MID2: variants seen among roughly 807,000 people sequenced by gnomAD.
MID2 encodes probable E3 ubiquitin-protein ligase MID2.
A neutral mutation model predicts 46.1 loss-of-function variants in MID2; 13 were observed. The ratio of observed to expected loss-of-function variants is 0.28; its 90% CI spans 0.18 to 0.45. The LOEUF is 0.45. MID2 is among the 20% of genes least tolerant of loss of function. The probability of loss-of-function intolerance (pLI) is 1.00; values close to 1 mark genes in which losing one functional copy is unlikely to be tolerated. For synonymous variants in MID2, 199 were observed against 212.3 expected, an observed-to-expected ratio of 0.94 and a Z score of 0.55; for missense variants, 431 against 575.4, an observed-to-expected ratio of 0.75 and a Z score of 2.57.
At chrX:107,894,725 G>A (rs1356650218) in intron 3 of MID2, 2 of 110,936 alleles carry the variant, frequency 1.8e-5, no homozygotes, top group Non-Finnish European at 3.8e-5. Flanking sequence ...TAAACTTAAG[G>A]AGCTTACATT....
At chrX:107,826,566 G>A in intron 1 of MID2, 136 bp downstream of exon 1, 2 of 783,290 alleles carry the variant, frequency 2.6e-6, no homozygotes, top group Non-Finnish European at 3.4e-6. Flanking sequence ...CGGCGAGGCA[G>A]GGTGATGGGG....
chrX:107,876,987 G>A (rs1932215887), intron 3 of MID2, among the ~76,000 whole-genome samples: 1 of 111,290 alleles, frequency 9.0e-6, no homozygotes, highest in Admixed American at 9.5e-5. Context: ...GCTGGATGGG[G>A]AGGAAGGGGT....
chrX:107,915,043 A>T (rs1932946112), intron 5 of MID2, among the ~76,000 whole-genome samples: 1 of 112,199 alleles, frequency 8.9e-6, no homozygotes, highest in Non-Finnish European at 1.9e-5. Context: ...TATACTAAGC[A>T]CCCAATAAAT....
Position 107,862,226 on chromosome X carries a change from A to T in MID2, c.816+7522A>T, listed in dbSNP as rs1931874150. 1.8e-5 allele frequency among the ~76,000 whole-genome samples: 2 copies of T among 111,582 alleles called. 1 individual carries two copies. Among genetic ancestry groups the T allele is most frequent in the Non-Finnish European group, 3.8e-5 (2 of 53,164 alleles). On this transcript the variant is annotated intron_variant, in intron 3 of 9. Coordinates refer to ENST00000262843, the MANE Select transcript of MID2 (RefSeq NM_012216.4). ...AATAGCAGGAACAGTTGCTAGTAGC[A>T]GTAGTACTAGTAGTAGTAATTTTGG...
At chrX:107,878,280 A>T (rs1417497433) in intron 3 of MID2, among the ~76,000 whole-genome samples, 1 of 107,316 alleles carries the variant, frequency 9.3e-6, no homozygotes, top group Admixed American at 9.9e-5. Context: ...TGGAAGTGGC[A>T]CATGCATGCT....
chrX:107,867,302 C>A (rs1209276460), intron 3 of MID2, among the ~76,000 whole-genome samples: 1 of 107,831 alleles, frequency 9.3e-6, no homozygotes, highest in African/African-American at 3.5e-5. Flanking sequence ...AGGCATGTGC[C>A]GCCACGCCCA....
chrX:107,914,963 TCTA>T (rs1167279469), intron 5 of MID2, among the ~76,000 whole-genome samples: 1 of 112,413 alleles, frequency 8.9e-6, no homozygotes, highest in African/African-American at 3.2e-5. Context: ...GGAAATAACA[TCTA>T]CTACATAGTG....
intron 2 of MID2, among the ~76,000 whole-genome samples, chrX:107,842,718 T>A: frequency 8.9e-6 from 1 of 112,533 alleles, no homozygotes; most frequent in South Asian, 3.7e-4. Context: ...TCAATTTTTT[T>A]ATTTCACTCA....
At chrX:107,850,192 A>C (rs1190025226) in intron 2 of MID2, among the ~76,000 whole-genome samples, 1 of 64,445 alleles carries the variant, frequency 1.6e-5, no homozygotes, top group Non-Finnish European at 2.4e-5. Context: ...ACACACAGAC[A>C]CACACACACA....
chrX:107,887,749 G>A (rs960002238), intron 3 of MID2, among the ~76,000 whole-genome samples: 9 of 111,672 alleles, frequency 8.1e-5, no homozygotes, highest in South Asian at 3.7e-4. Flanking sequence ...GAATCCATCC[G>A]ATCCTGGACT....
intron 7 of MID2, among the ~76,000 whole-genome samples, chrX:107,920,981 G>A (rs745337392): frequency 6.4e-4 from 71 of 111,691 alleles, no homozygotes; most frequent in South Asian, 1.9e-3. Flanking sequence ...CCAACTTGAA[G>A]AAATTTAACG....
chrX:107,848,954 A>C (rs1295797432), intron 2 of MID2, among the ~76,000 whole-genome samples: 1 of 112,085 alleles, frequency 8.9e-6, no homozygotes, highest in Non-Finnish European at 1.9e-5. Context: ...CATGTCAAAG[A>C]ATAGTAATGG....
chrX:107,867,351 C>CG (rs1181075518), intron 3 of MID2, among the ~76,000 whole-genome samples: 3 of 104,659 alleles, frequency 2.9e-5, no homozygotes, highest in Non-Finnish European at 5.9e-5. Context: ...TTAGTAGAGA[C>CG]GGGGTTTCAC....
chrX:107,897,521 G>T (rs766187915), intron 3 of MID2, among the ~76,000 whole-genome samples: 1 of 111,876 alleles, frequency 8.9e-6, no homozygotes, highest in South Asian at 3.7e-4. Context: ...TCATACTTAC[G>T]TAAAGCTGGA....
At chrX:107,890,732 C>T (rs1027063767) in intron 3 of MID2, among the ~76,000 whole-genome samples, 4 of 111,947 alleles carry the variant, frequency 3.6e-5, no homozygotes, top group Non-Finnish European at 5.6e-5. Flanking sequence ...TCTACAGAGG[C>T]AGGCAGGCCT....
chrX:107,850,938 C>T (rs1357990460), intron 2 of MID2, among the ~76,000 whole-genome samples: 12 of 112,076 alleles, frequency 1.1e-4, no homozygotes, highest in South Asian at 7.4e-4. Context: ...ACATTATTCT[C>T]ATGGAATCCC....
intron 3 of MID2, among the ~76,000 whole-genome samples, chrX:107,899,042 G>C (rs1410880659): frequency 9.0e-6 from 1 of 110,660 alleles, no homozygotes; most frequent in Non-Finnish European, 1.9e-5. Flanking sequence ...TAGGACTGAT[G>C]GATGTGACTA....
intron 5 of MID2, among the ~76,000 whole-genome samples, chrX:107,913,850 C>A (rs111645319): frequency 9.0e-6 from 1 of 111,448 alleles, no homozygotes; most frequent in Non-Finnish European, 1.9e-5. Flanking sequence ...CATATTATTT[C>A]CCCACCTAAT....
chrX:107,851,799 T>C (rs1931625614), intron 2 of MID2, among the ~76,000 whole-genome samples: 1 of 111,868 alleles, frequency 8.9e-6, no homozygotes, highest in Non-Finnish European at 1.9e-5. Context: ...CCCTCTGTTC[T>C]AGCCAAAGGA....
Sources: gnomAD v4.1 joint callset for allele counts (sites outside exome capture counted in the v4.1 genomes callset) on GRCh38, gnomAD v4.1.1 for gene constraint, MANE v1.5 for transcripts, NCBI Gene and HGNC (gene_info 2026-07-23, HGNC 2026-07-21) for gene names.